NR3C2: variants seen among roughly 807,000 people sequenced by gnomAD.
NR3C2 encodes nuclear receptor subfamily 3 group C member 2.
Under a neutral mutation model 86.4 loss-of-function variants are expected in NR3C2, and 15 were observed. The observed-to-expected ratio is 0.17, with a 90% confidence interval of 0.12 to 0.27. NR3C2 has a LOEUF of 0.27. NR3C2 is among the 10% of genes least tolerant of loss of function. NR3C2 has a pLI of 1.00. For missense variants in NR3C2, 960 were observed against 1,195.6 expected (o/e 0.80, Z 2.91); for synonymous variants, 458 against 450.5 (o/e 1.02, Z -0.21).
chr4:148,084,036 C>G (rs1730699746), intron 8 of NR3C2, among the ~76,000 whole-genome samples: 1 of 152,144 alleles, frequency 6.6e-6, no homozygotes, highest in South Asian at 2.1e-4. Context: ...AAGACCAAAT[C>G]TACGTTTAAT....
chr4:148,209,327 G>A (rs1579015212), intron 3 of NR3C2, among the ~76,000 whole-genome samples: 1 of 152,074 alleles, frequency 6.6e-6, no homozygotes, highest in East Asian at 1.9e-4. Context: ...ATGCAGTGGT[G>A]CAATCACGGG....
intron 2 of NR3C2, among the ~76,000 whole-genome samples, chr4:148,262,667 T>A (rs867178334): frequency 2.4e-4 from 36 of 152,300 alleles, no homozygotes; most frequent in Non-Finnish European, 3.1e-4. Flanking sequence ...TGTAATTAGT[T>A]AAGATGAGGT....
At chr4:148,416,486 T>C (rs1361090343) in intron 2 of NR3C2, among the ~76,000 whole-genome samples, 1 of 152,180 alleles carries the variant, frequency 6.6e-6, no homozygotes, top group Non-Finnish European at 1.5e-5. Flanking sequence ...TTGCCTAAGA[T>C]CACACAGCTG....
At chr4:148,320,734 A>AT (rs1047161909) in intron 2 of NR3C2, among the ~76,000 whole-genome samples, 3 of 151,970 alleles carry the variant, frequency 2.0e-5, no homozygotes, top group African/African-American at 7.2e-5. Context: ...CCCCTTTATC[A>AT]TTTTTTTATT....
chr4:148,358,245 G>A (rs1274655157), intron 2 of NR3C2, among the ~76,000 whole-genome samples: 1 of 152,056 alleles, frequency 6.6e-6, no homozygotes, highest in Non-Finnish European at 1.5e-5. Flanking sequence ...TGATCGACTG[G>A]ATTAAGAAAA....
chr4:148,367,018 A>C (rs1433299872), intron 2 of NR3C2, among the ~76,000 whole-genome samples: 1 of 152,210 alleles, frequency 6.6e-6, no homozygotes, highest in African/African-American at 2.4e-5. Context: ...TAAGTAAGAA[A>C]CATCCCTCAT....
intron 2 of NR3C2, among the ~76,000 whole-genome samples, chr4:148,301,623 A>C (rs1742340305): frequency 6.6e-6 from 1 of 152,240 alleles, no homozygotes; most frequent in African/African-American, 2.4e-5. Context: ...AAAATTGTTA[A>C]AGTGTTATAA....
chr4:148,440,352 A>G (rs1261418358), intron 1 of NR3C2, among the ~76,000 whole-genome samples: 2 of 152,260 alleles, frequency 1.3e-5, no homozygotes, highest in South Asian at 4.1e-4. Flanking sequence ...CACAATGACC[A>G]TGGCTTGAGC....
At chr4:148,397,909 G>A (rs1747943961) in intron 2 of NR3C2, among the ~76,000 whole-genome samples, 1 of 152,126 alleles carries the variant, frequency 6.6e-6, no homozygotes, top group Non-Finnish European at 1.5e-5. Flanking sequence ...ACACAGTTCT[G>A]GAGGCCAGAA....
At chr4:148,387,660 C>T (rs1270611283) in intron 2 of NR3C2, among the ~76,000 whole-genome samples, 1 of 152,158 alleles carries the variant, frequency 6.6e-6, no homozygotes, top group African/African-American at 2.4e-5. Context: ...ATATGTCTCC[C>T]TGTAAAATAC....
intron 2 of NR3C2, among the ~76,000 whole-genome samples, chr4:148,389,166 A>C (rs1306626128): frequency 6.6e-6 from 1 of 152,154 alleles, no homozygotes; most frequent in African/African-American, 2.4e-5. Flanking sequence ...TCAGCTACAC[A>C]ACCAGGTTTT....
chr4:148,332,330 C>T (rs140188817), intron 2 of NR3C2, among the ~76,000 whole-genome samples: 81 of 152,262 alleles, frequency 5.3e-4, no homozygotes, highest in Non-Finnish European at 8.1e-4. Context: ...CCTCTGGTAA[C>T]GTAAATGGAT....
intron 8 of NR3C2, among the ~76,000 whole-genome samples, chr4:148,091,576 T>C (rs1731063606): frequency 6.6e-6 from 1 of 152,228 alleles, no homozygotes; most frequent in South Asian, 2.1e-4. Context: ...CCAGCCAGAA[T>C]AGATACTGGT....
intron 2 of NR3C2, among the ~76,000 whole-genome samples, chr4:148,411,893 A>G (rs957936771): frequency 1.3e-5 from 2 of 152,174 alleles, no homozygotes; most frequent in African/African-American, 4.8e-5. Context: ...CTCCTTCCAC[A>G]TTCTTCCCAA....
chr4:148,246,714 G>C (rs1396957645), intron 3 of NR3C2, among the ~76,000 whole-genome samples: 1 of 152,056 alleles, frequency 6.6e-6, no homozygotes, highest in Non-Finnish European at 1.5e-5. Context: ...ACCACGCCAG[G>C]CTAATTTTTT....
At position 148,344,655 on chromosome 4, in the gene NR3C2, T is replaced by C. The variant is rs755794277; in HGVS notation, c.1758-84538A>G. Among the ~76,000 whole-genome samples, 19 of 152,152 alleles carry C rather than the reference T, an allele frequency of 1.2e-4. No homozygotes were observed. The South Asian group carries it at 1.7e-3, about 13-fold the overall frequency. ...TCTGTTTACCTCCACTGCTTCTCTATTATTAGTGTGAGGTCAACATTACTA... is the reference window on the plus strand; with the variant it reads ...TCTGTTTACCTCCACTGCTTCTCTACTATTAGTGTGAGGTCAACATTACTA... On this transcript the variant is annotated intron_variant, in intron 2 of 8. Coordinates refer to ENST00000358102, the MANE Select transcript of NR3C2 (RefSeq NM_000901.5).
intron 2 of NR3C2, among the ~76,000 whole-genome samples, chr4:148,381,620 C>T (rs1392665431): frequency 6.6e-6 from 1 of 152,140 alleles, no homozygotes; most frequent in Non-Finnish European, 1.5e-5. Context: ...ATCTTTAAAA[C>T]ATGGAAAATT....
rs746632405 is a variant in NR3C2 at position 148,154,731 on chromosome 4, T to C, written c.2185A>G (p.Thr729Ala). ...GAAGGTGTGAGCGCTCGTGAGATTG[T>C]GGAGAGCTGAGGAACCAGTGCTGTG... ...VNTALVPQLS[T>A]ISRALTPSPV... The change falls in exon 5 of 9, where the codon ACA (threonine) becomes GCA (alanine). Residue 729 changes from threonine to alanine, a missense_variant. Thr to Ala is a moderately conservative substitution (Grantham distance 58). Coordinates refer to ENST00000358102, the MANE Select transcript of NR3C2 (RefSeq NM_000901.5). 6.3e-7 allele frequency: 1 copy of C among 1,579,290 alleles called. No individual in the cohort carries two copies. The highest frequency in any genetic ancestry group is 1.1e-5 in the South Asian group (1 of 90,436).
intron 2 of NR3C2, among the ~76,000 whole-genome samples, chr4:148,432,749 G>C (rs905848719): frequency 1.3e-5 from 2 of 152,080 alleles, no homozygotes; most frequent in Non-Finnish European, 2.9e-5. Flanking sequence ...AAGAGACTAA[G>C]GATGATACTT....
Sources: allele counts gnomAD v4.1 joint callset (sites outside exome capture counted in the v4.1 genomes callset), GRCh38; gene constraint gnomAD v4.1.1; transcripts MANE v1.5; gene names NCBI Gene and HGNC (gene_info 2026-07-23, HGNC 2026-07-21).